Variants in MAST2 observed in about 807,000 individuals in gnomAD.
MAST2 encodes microtubule associated serine/threonine kinase 2.
In MAST2, 70 loss-of-function variants were observed where a neutral mutation model predicts 147.4. The ratio of observed to expected loss-of-function variants is 0.47; its 90% CI spans 0.39 to 0.58. The LOEUF is 0.58. MAST2 is among the 20% of genes least tolerant of loss of function. The pLI is 0.00. For missense variants in MAST2, 2,080 were observed against 2,302.3 expected (o/e 0.90, Z 1.98); for synonymous variants, 869 against 896.8 (o/e 0.97, Z 0.55).
intron 4 of MAST2, among the ~76,000 whole-genome samples, chr1:45,887,850 G>A (rs954408870): frequency 6.6e-6 from 1 of 152,156 alleles, no homozygotes; most frequent in Non-Finnish European, 1.5e-5. Context: ...TTAAGACCCT[G>A]TCTTTTAAAA....
At chr1:45,995,950 A>G (rs948408387) in intron 5 of MAST2, among the ~76,000 whole-genome samples, 1 of 152,106 alleles carries the variant, frequency 6.6e-6, no homozygotes, top group Non-Finnish European at 1.5e-5. Context: ...ACATGTGGGT[A>G]TATGGTTTTT....
chr1:45,811,161 T>G (rs1282544361), intron 1 of MAST2, among the ~76,000 whole-genome samples: 1 of 144,422 alleles, frequency 6.9e-6, no homozygotes, highest in African/African-American at 2.6e-5. Flanking sequence ...GAGAGCAGTA[T>G]ATTTCTTTTT....
rs200907480 is a variant in MAST2, at chr1:45,870,451, AG to A, written c.469-11911del. Among the ~76,000 whole-genome samples, 1,259 of 151,534 alleles carry A rather than the reference AG, an allele frequency of 8.3e-3. 20 individuals carry two copies. Among genetic ancestry groups the A allele is most frequent in the African/African-American group, 0.029 (1,190 of 41,418 alleles). On this transcript the variant is annotated intron_variant, in intron 3 of 28. Coordinates refer to ENST00000361297, the MANE Select transcript of MAST2 (RefSeq NM_015112.3). The stretch of plus-strand genomic sequence containing the variant: ...TTTTCATCTTGAGGTAGTTTTGGTA[AG>A]GTATATGTTTTTAAGAGTTTGTCCA...
At chr1:45,941,565 T>C (rs1570840630) in intron 4 of MAST2, among the ~76,000 whole-genome samples, 1 of 152,386 alleles carries the variant, frequency 6.6e-6, no homozygotes, top group Non-Finnish European at 1.5e-5. Context: ...GCCGTTTTAA[T>C]AGTTTTTTAA....
intron 4 of MAST2, among the ~76,000 whole-genome samples, chr1:45,955,763 G>A (rs1272044017): frequency 6.6e-6 from 1 of 152,156 alleles, no homozygotes; most frequent in Non-Finnish European, 1.5e-5. Flanking sequence ...GTGAGCAGGA[G>A]GGAGAGAGGT....
Position 46,035,660 on chromosome 1 carries a change from G to T in MAST2, c.4991G>T (p.Gly1664Val), listed in dbSNP as rs774711101. ...TGGTCCTGGAAATCCCTTATTGAGG[G>T]CCCAGACAGGGCATCCCCAAGCAGA... ...SMWSWKSLIE[G>V]PDRASPSRKA... Residue 1664 changes from glycine to valine, a missense_variant, in exon 29 of 29, where the codon GGC becomes GTC. Gly to Val is a moderately radical substitution (Grantham distance 109, BLOSUM62 -3). This residue lies in a region of MAST2 where 1,278 missense variants were observed against 1,304.2 expected (regional missense o/e 0.98). Coordinates refer to ENST00000361297, the MANE Select transcript of MAST2 (RefSeq NM_015112.3). This position sits in a 1 kb window ranked among gnomAD's most constrained non-coding sequence, Gnocchi z 5.5. 5.6e-6 allele frequency: 9 copies of T among 1,613,806 alleles called. No homozygotes were observed. Among genetic ancestry groups the T allele is most frequent in the African/African-American group, 1.3e-5 (1 of 74,840 alleles).
intron 4 of MAST2, among the ~76,000 whole-genome samples, chr1:45,934,784 C>A (rs894229388): frequency 2.0e-5 from 3 of 152,124 alleles, no homozygotes; most frequent in Admixed American, 6.5e-5. Flanking sequence ...ACCATATTTT[C>A]TTTATTCAGT....
intron 4 of MAST2, among the ~76,000 whole-genome samples, chr1:45,932,163 A>T (rs1227880520): frequency 6.6e-6 from 1 of 152,154 alleles, no homozygotes; most frequent in East Asian, 1.9e-4. Context: ...TTTTATGGGA[A>T]TGTTCTTAAA....
At chr1:45,938,539 C>G (rs1046628523) in intron 4 of MAST2, among the ~76,000 whole-genome samples, 2 of 152,142 alleles carry the variant, frequency 1.3e-5, no homozygotes, top group African/African-American at 4.8e-5. Flanking sequence ...GTTGCCTACA[C>G]TGGTCTTGAA....
intron 5 of MAST2, among the ~76,000 whole-genome samples, chr1:45,966,559 C>T (rs1661238344): frequency 6.6e-6 from 1 of 152,028 alleles, no homozygotes; most frequent in South Asian, 2.1e-4. Flanking sequence ...GGTGAAATGT[C>T]GTCTCTACTA....
intron 10 of MAST2, among the ~76,000 whole-genome samples, chr1:46,014,605 A>C (rs1423809016): frequency 6.6e-6 from 1 of 152,014 alleles, no homozygotes; most frequent in Non-Finnish European, 1.5e-5. Context: ...TTAAGGGATC[A>C]ATTCAACAAG....
chr1:45,831,030 GA>G (rs11302327), intron 3 of MAST2, among the ~76,000 whole-genome samples: 47,011 of 116,292 alleles, frequency 0.4, 8,647 homozygotes, highest in African/African-American at 0.56. Flanking sequence ...ACCTTGTCTG[GA>G]AAAAAAAAAA....
At chr1:46,024,615 T>C (rs1646325672) in intron 15 of MAST2, among the ~76,000 whole-genome samples, 1 of 152,174 alleles carries the variant, frequency 6.6e-6, no homozygotes, top group Non-Finnish European at 1.5e-5. Context: ...ACTCAGAAAC[T>C]AAAAGCCAGT....
chr1:46,003,501 A>C (rs1426856068), intron 7 of MAST2, among the ~76,000 whole-genome samples: 1 of 151,344 alleles, frequency 6.6e-6, no homozygotes, highest in Non-Finnish European at 1.5e-5. Context: ...AAAGAGTGTC[A>C]CTGTCACCCA....
rs1019234677 is a variant in MAST2, at chr1:45,838,514, C to T, written c.468+8933C>T. Among the ~76,000 whole-genome samples, 16 of 152,096 alleles carry T rather than the reference C, an allele frequency of 1.1e-4. No homozygotes were observed. The East Asian group carries it at 1.4e-3, about 13-fold the overall frequency. The stretch of plus-strand genomic sequence containing the variant: ...CTGGGATTACAGGTGTCAGCCAATG[C>T]GCCCAGTCAGCTATTTTTATATATA... On this transcript the variant is annotated intron_variant, in intron 3 of 28. Transcript: ENST00000361297.
At chr1:45,910,110 TTG>T (rs1491537667) in intron 4 of MAST2, among the ~76,000 whole-genome samples, 1 of 124,444 alleles carries the variant, frequency 8.0e-6, no homozygotes, top group African/African-American at 3.1e-5. Context: ...TTGTGTGCAG[TTG>T]TTTTTTTTTT....
At chr1:46,025,917 G>A (rs1032570777) in intron 16 of MAST2, 102 bp downstream of exon 16, 28 of 1,434,668 alleles carry the variant, frequency 2.0e-5, no homozygotes, top group East Asian at 1.8e-4. Context: ...GATGGCTACC[G>A]GGAAAACATG....
At chr1:45,815,182 TTC>T (rs1266099149) in intron 1 of MAST2, among the ~76,000 whole-genome samples, 241 of 151,256 alleles carry the variant, frequency 1.6e-3, no homozygotes, top group African/African-American at 5.8e-3. Flanking sequence ...TTGTCAGATC[TTC>T]TTTTTTTTTT....
intron 4 of MAST2, among the ~76,000 whole-genome samples, chr1:45,907,593 C>A (rs1650981136): frequency 6.6e-6 from 1 of 151,942 alleles, no homozygotes. Flanking sequence ...GCATTTTAAC[C>A]ATTTTTAAGT....
Sources: gnomAD v4.1 joint callset for allele counts (sites outside exome capture counted in the v4.1 genomes callset) on GRCh38, gnomAD v4.1.1 for gene constraint, gnomAD v4.1.1 regional missense constraint, Gnocchi (gnomAD v3.1) non-coding constraint, MANE v1.5 for transcripts, NCBI Gene and HGNC (gene_info 2026-07-23, HGNC 2026-07-21) for gene names.